The following DCC variants were observed in gnomAD, a reference collection of about 807,000 sequenced individuals.
DCC encodes netrin receptor DCC.
In DCC, 58 loss-of-function variants were observed where a neutral mutation model predicts 172.5. The observed-to-expected ratio is 0.34, with a 90% CI of 0.27 to 0.42. DCC has a LOEUF of 0.42. Ranked by LOEUF, DCC falls within the 10% of genes least tolerant of loss-of-function variation. DCC has a pLI of 1.00. For missense variants in DCC, 1,740 were observed against 1,791.0 expected (o/e 0.97, Z 0.51); for synonymous variants, 709 against 644.5 (o/e 1.10, Z -1.52).
chr18:52,746,183 G>A (rs958021122), intron 1 of DCC, among the ~76,000 whole-genome samples: 1 of 152,162 alleles, frequency 6.6e-6, no homozygotes, highest in African/African-American at 2.4e-5. Flanking sequence ...TAAGCCAAAA[G>A]AAGCAAATGT....
At chr18:52,711,353 A>AT (rs1198602924) in intron 1 of DCC, among the ~76,000 whole-genome samples, 1 of 151,988 alleles carries the variant, frequency 6.6e-6, no homozygotes, top group African/African-American at 2.4e-5. Context: ...TCAGCCTCCC[A>AT]TGTAGCTGGT....
At chr18:52,758,504 A>G (rs1359293556) in intron 2 of DCC, among the ~76,000 whole-genome samples, 1 of 152,198 alleles carries the variant, frequency 6.6e-6, no homozygotes, top group African/African-American at 2.4e-5. Flanking sequence ...TGTTTTTAAA[A>G]AATAATTAAT....
At chr18:52,501,309 C>T (rs1311168470) in intron 1 of DCC, among the ~76,000 whole-genome samples, 1 of 152,094 alleles carries the variant, frequency 6.6e-6, no homozygotes, top group African/African-American at 2.4e-5. Flanking sequence ...AATCGTGCAA[C>T]AAATGGTATG....
intron 27 of DCC, among the ~76,000 whole-genome samples, chr18:53,515,197 A>C (rs1279572345): frequency 6.6e-6 from 1 of 152,042 alleles, no homozygotes; most frequent in Non-Finnish European, 1.5e-5. Context: ...AATGACAAAA[A>C]CCACATGATT....
intron 13 of DCC, among the ~76,000 whole-genome samples, chr18:53,317,370 G>T (rs1055457578): frequency 1.3e-5 from 2 of 152,208 alleles, no homozygotes; most frequent in Non-Finnish European, 2.9e-5. Flanking sequence ...TATACTGCTG[G>T]ATTCGGTTTG....
chr18:53,141,979 A>G (rs911435377), intron 7 of DCC, among the ~76,000 whole-genome samples: 2 of 152,156 alleles, frequency 1.3e-5, no homozygotes, highest in Non-Finnish European at 2.9e-5. Flanking sequence ...TCCTTTCCCT[A>G]GGCTCTGCCT....
chr18:52,530,379 G>C (rs563048989), intron 1 of DCC, among the ~76,000 whole-genome samples: 1 of 152,292 alleles, frequency 6.6e-6, no homozygotes, highest in Non-Finnish European at 1.5e-5. Flanking sequence ...ATGAGCTTTT[G>C]AGTGGGTCTG....
intron 2 of DCC, among the ~76,000 whole-genome samples, chr18:52,903,493 C>T (rs892439451): frequency 6.6e-6 from 1 of 152,178 alleles, no homozygotes; most frequent in African/African-American, 2.4e-5. Context: ...AGGTGTGAAC[C>T]ACCATGGATA....
intron 27 of DCC, among the ~76,000 whole-genome samples, chr18:53,522,296 GGTGT>G (rs1431833521): frequency 3.3e-5 from 5 of 151,166 alleles, no homozygotes; most frequent in Non-Finnish European, 7.4e-5. Flanking sequence ...AAAAAAAAAT[GGTGT>G]GTGAGTAGAG....
At chr18:53,368,513 T>C (rs1489595189) in intron 15 of DCC, among the ~76,000 whole-genome samples, 3 of 152,122 alleles carry the variant, frequency 2.0e-5, no homozygotes, top group East Asian at 1.9e-4. Flanking sequence ...CAAGAAAACA[T>C]TGCCAAATCT....
In DCC at chr18:53,086,297, CCT is replaced by C. The variant is rs1196140003; in HGVS notation, c.1261+20132_1261+20133del. On this transcript the variant is annotated intron_variant, in intron 7 of 28. Coordinates refer to ENST00000442544, the MANE Select transcript of DCC (RefSeq NM_005215.4). ...TTCCTTTCTTCTTCTTCTTCTTCTT[CCT>C]TTCTTCTTCTTCTTCTTCTTCTTCC... Among the ~76,000 whole-genome samples the C allele has an allele frequency of 1.8e-4, 5 of 27,066 alleles. 1 individual carries two copies. Among genetic ancestry groups the C allele is most frequent in the East Asian group, 1.2e-3 (2 of 1,730 alleles). 17.8% of individuals were successfully genotyped at this position (27,066 alleles called of 152,430 possible).
rs1013974671 is a variant in DCC, at chr18:53,205,291, C to T, written c.1649C>T (p.Pro550Leu). ...SPTSILITWE[P>L]PAYANGPVQG... ...ACCTCAATTCTTATTACCTGGGAAC[C>T]CCCTGCCTATGCAAACGGTCCAGTC... Residue 550 changes from proline to leucine, a missense_variant, in exon 10 of 29, where the codon CCC becomes CTC. Around this residue, in one of 2 missense-constraint regions of DCC, gnomAD observed 1,732 missense variants for 1,767.4 expected, o/e 0.98. Transcript: ENST00000442544. The T allele has an allele frequency of 5.0e-6, 8 of 1,613,762 alleles. No homozygotes were observed. Among genetic ancestry groups the T allele is most frequent in the Middle Eastern group, 1.6e-4 (1 of 6,062 alleles).
intron 1 of DCC, among the ~76,000 whole-genome samples, chr18:52,680,711 A>G (rs957319565): frequency 6.6e-6 from 1 of 152,078 alleles, no homozygotes; most frequent in Non-Finnish European, 1.5e-5. Context: ...CTTGCAAATC[A>G]TGTCATTTAG....
intron 5 of DCC, among the ~76,000 whole-genome samples, chr18:52,967,459 C>T (rs1320995185): frequency 2.0e-5 from 3 of 152,124 alleles, no homozygotes; most frequent in South Asian, 2.1e-4. Flanking sequence ...ATAGTTTTGA[C>T]CAGGACCTTG....
intron 22 of DCC, among the ~76,000 whole-genome samples, chr18:53,443,739 A>C (rs1912420998): frequency 6.6e-6 from 1 of 152,238 alleles, no homozygotes; most frequent in Admixed American, 6.5e-5. Context: ...GATTCATGGG[A>C]AAAAGTCAAA....
At position 52,960,859 on chromosome 18, in the gene DCC, A is replaced by T. The variant is rs1370419843; in HGVS notation, c.985+35489A>T. 1.3e-5 allele frequency among the ~76,000 whole-genome samples: 2 copies of T among 152,152 alleles called. 1 individual carries two copies. Among genetic ancestry groups the T allele is most frequent in the African/African-American group, 4.8e-5 (2 of 41,446 alleles). ...TTGAAGTAAGTAAATAACAGGATTA[A>T]AAATATTTTTGCCATATAGTGATAT... On this transcript the variant is annotated intron_variant, in intron 5 of 28. Transcript: ENST00000442544.
chr18:52,671,712 G>T (rs571516672), intron 1 of DCC, among the ~76,000 whole-genome samples: 8 of 151,658 alleles, frequency 5.3e-5, no homozygotes, highest in African/African-American at 1.9e-4. Context: ...GCTAATTTTT[G>T]TATTTTTAGT....
intron 5 of DCC, among the ~76,000 whole-genome samples, chr18:53,061,824 G>C (rs939724898): frequency 6.6e-6 from 1 of 152,040 alleles, no homozygotes; most frequent in African/African-American, 2.4e-5. Flanking sequence ...GGTAGTGGGA[G>C]AGATAATAAT....
At chr18:52,856,633 A>AAAAAAAAG (rs1424083129) in intron 2 of DCC, among the ~76,000 whole-genome samples, 3 of 149,772 alleles carry the variant, frequency 2.0e-5, no homozygotes, top group Non-Finnish European at 4.4e-5. Flanking sequence ...CTCAAAAAAA[A>AAAAAAAAG]AAAAAAAAAA....
Sources: allele counts gnomAD v4.1 joint callset (sites outside exome capture counted in the v4.1 genomes callset), GRCh38; gene constraint gnomAD v4.1.1; regional missense constraint gnomAD v4.1.1; transcripts MANE v1.5; gene names NCBI Gene and HGNC (gene_info 2026-07-23, HGNC 2026-07-21).